Variants in CUL3 observed in about 807,000 individuals in gnomAD.
CUL3 encodes the protein cullin 3.
In CUL3, 19 loss-of-function variants were observed where a neutral mutation model predicts 89.1. That is an observed-to-expected ratio of 0.21 (90% CI 0.15 to 0.31). CUL3 has a LOEUF of 0.31. Ranked by LOEUF, CUL3 falls within the 10% of genes least tolerant of loss-of-function variation. CUL3 has a pLI of 1.00. For missense variants in CUL3, 469 were observed against 942.3 expected, an observed-to-expected ratio of 0.50 and a Z score of 6.58; for synonymous variants, 351 against 308.4, an observed-to-expected ratio of 1.14 and a Z score of -1.45.
rs766201163 is a variant in CUL3, at chr2:224,538,152, TAC to T, written c.265-2513_265-2512del. Among the ~76,000 whole-genome samples, 6 of 152,036 alleles carry T rather than the reference TAC, an allele frequency of 3.9e-5. No individual in the cohort carries two copies. The South Asian group carries it at 1.0e-3, about 26-fold the overall frequency. ...ATTTTGTTTATTTTTCAATTATGCA[TAC>T]ACACACACACAAACTCATGACTGAA... On this transcript the variant is annotated intron_variant, in intron 2 of 15. Coordinates refer to ENST00000264414, the MANE Select transcript of CUL3 (RefSeq NM_003590.5).
chr2:224,496,857 T>C (rs1692187930), intron 12 of CUL3, among the ~76,000 whole-genome samples: 1 of 152,066 alleles, frequency 6.6e-6, no homozygotes. Context: ...CAAAAGAACA[T>C]GATTATTTAG....
At chr2:224,487,270 T>C (rs929782576) in intron 13 of CUL3, among the ~76,000 whole-genome samples, 7 of 151,940 alleles carry the variant, frequency 4.6e-5, no homozygotes, top group Admixed American at 2.0e-4. Flanking sequence ...CATAACAATA[T>C]TACCTTAAAC....
chr2:224,489,358 C>T (rs1691864612), intron 13 of CUL3, among the ~76,000 whole-genome samples: 1 of 152,188 alleles, frequency 6.6e-6, no homozygotes, highest in Non-Finnish European at 1.5e-5. Context: ...TGGAAAACCC[C>T]ATCGTCTCAG....
intron 3 of CUL3, among the ~76,000 whole-genome samples, chr2:224,519,518 A>G (rs184416505): frequency 1.8e-3 from 268 of 149,840 alleles, no homozygotes; most frequent in Non-Finnish European, 3.0e-3. Context: ...ATTAAATGAC[A>G]TATAATATTA....
At chr2:224,502,694 CTTTA>C (rs1199841478) in intron 10 of CUL3, among the ~76,000 whole-genome samples, 1 of 152,166 alleles carries the variant, frequency 6.6e-6, no homozygotes, top group African/African-American at 2.4e-5. Context: ...TTTGTATTAT[CTTTA>C]TTAACAACAG....
intron 7 of CUL3, among the ~76,000 whole-genome samples, chr2:224,506,547 G>T (rs1378653949): frequency 2.6e-5 from 4 of 152,126 alleles, no homozygotes; most frequent in African/African-American, 9.7e-5. Context: ...TAAACCAGTT[G>T]TTTTTTCCAA....
At position 224,514,593 on chromosome 2, in the gene CUL3, G is replaced by C. The variant is rs1251671251; in HGVS notation, c.539+19C>G. ...AATCACTAAAACCAAAACCACAAGA[G>C]TAAAGAGAGAAATTTTACCTGTCTA... On this transcript the variant is annotated intron_variant, in intron 4 of 15. Coordinates refer to ENST00000264414, the MANE Select transcript of CUL3 (RefSeq NM_003590.5). 1 of 1,595,380 alleles carries C rather than the reference G, an allele frequency of 6.3e-7. No homozygotes were observed. The highest frequency in any genetic ancestry group is 8.6e-7 in the Non-Finnish European group (1 of 1,168,746).
Position 224,472,326 on chromosome 2 carries a change from A to C in CUL3, c.*1919T>G, listed in dbSNP as rs1355994057. 4.7e-6 allele frequency: 1 copy of C among 212,528 alleles called. No homozygotes were observed. Among genetic ancestry groups the C allele is most frequent in the African/African-American group, 2.3e-5 (1 of 44,236 alleles). 13.2% of individuals were successfully genotyped at this position (212,528 alleles called of 1,614,324 possible). On this transcript the variant is annotated 3_prime_UTR_variant, in exon 16 of 16. Transcript: ENST00000264414. Reference sequence around the variant, plus strand: ...ATGTCTCACTTAGGAGATTTCAAATAAAGTTTTTACATCGCTCATGTTTAC... The same window carrying C: ...ATGTCTCACTTAGGAGATTTCAAATCAAGTTTTTACATCGCTCATGTTTAC...
At chr2:224,536,659 T>C (rs1004928896) in intron 2 of CUL3, among the ~76,000 whole-genome samples, 39 of 152,158 alleles carry the variant, frequency 2.6e-4, no homozygotes, top group African/African-American at 9.4e-4. Context: ...CACATAAAGT[T>C]CCCTTGAGCC....
chr2:224,569,760 G>T (rs1187005155), intron 1 of CUL3: 2 of 1,204,018 alleles, frequency 1.7e-6, no homozygotes, highest in Non-Finnish European at 2.1e-6. Flanking sequence ...GAAAAGAAGT[G>T]AATTCTTAAC....
At chr2:224,486,888 GAA>G (rs1374847487) in intron 13 of CUL3, among the ~76,000 whole-genome samples, 1 of 152,118 alleles carries the variant, frequency 6.6e-6, no homozygotes, top group Non-Finnish European at 1.5e-5. Context: ...CCCAAAAAGG[GAA>G]GCCCATCAGA....
At chr2:224,510,290 GTTT>G (rs1045204971) in intron 6 of CUL3, among the ~76,000 whole-genome samples, 1 of 128,560 alleles carries the variant, frequency 7.8e-6, no homozygotes. Flanking sequence ...AGCCTCTCTA[GTTT>G]TTTTTGTTTT....
At chr2:224,524,729 A>G (rs1038041829) in intron 3 of CUL3, among the ~76,000 whole-genome samples, 8 of 152,112 alleles carry the variant, frequency 5.3e-5, no homozygotes, top group African/African-American at 1.7e-4. Context: ...GGCCTCCACA[A>G]TTTTTCACAA....
rs1057154959 is a variant in CUL3 at position 224,485,759 on chromosome 2, C to T, written c.1843-3681G>A. Among the ~76,000 whole-genome samples the T allele has an allele frequency of 1.3e-5, 2 of 152,182 alleles. No homozygotes were observed. The highest frequency in any genetic ancestry group is 4.8e-5 in the African/African-American group (2 of 41,460). On this transcript the variant is annotated intron_variant, in intron 13 of 15. Coordinates refer to ENST00000264414, the MANE Select transcript of CUL3 (RefSeq NM_003590.5). This position sits in a 1 kb window ranked among gnomAD's most constrained non-coding sequence, Gnocchi z 4.1. Reference sequence around the variant, plus strand: ...CCCACAGCGCAGCACTCCAGCTCTGCGAAGGGACAGACTGCCTCCTCAAGT... The same window carrying T: ...CCCACAGCGCAGCACTCCAGCTCTGTGAAGGGACAGACTGCCTCCTCAAGT...
chr2:224,498,195 C>T (rs977355158), intron 11 of CUL3, among the ~76,000 whole-genome samples: 2 of 152,240 alleles, frequency 1.3e-5, no homozygotes, highest in South Asian at 4.1e-4. Flanking sequence ...CAGTAGCAGA[C>T]ATCAACAGTA....
intron 3 of CUL3, among the ~76,000 whole-genome samples, chr2:224,527,773 G>A (rs1181249940): frequency 1.3e-5 from 2 of 151,864 alleles, no homozygotes; most frequent in Non-Finnish European, 2.9e-5. Context: ...TCCCAAATAC[G>A]TAATACTTCT....
chr2:224,580,302 T>C (rs1011811984), intron 1 of CUL3, among the ~76,000 whole-genome samples: 9 of 152,238 alleles, frequency 5.9e-5, no homozygotes, highest in African/African-American at 1.7e-4. Flanking sequence ...AAAGAACTTC[T>C]AGGAAAAGGT....
At chr2:224,478,860 G>C (rs976985236) in intron 14 of CUL3, 2 of 152,300 alleles carry the variant, frequency 1.3e-5, no homozygotes, top group African/African-American at 4.8e-5. Context: ...AGTACCACTA[G>C]GATGTCAGTT....
rs1574601773 is a variant in CUL3 at position 224,471,192 on chromosome 2, A to G, written c.*3053T>C. On this transcript the variant is annotated 3_prime_UTR_variant, in exon 16 of 16. Transcript: ENST00000264414. ...AATACTATGCAACATATAGTAAAAT[A>G]CATGACCTACAATTGATATGCAACA... 3 of 212,260 alleles carry G rather than the reference A, an allele frequency of 1.4e-5. No homozygotes were observed. The highest frequency in any genetic ancestry group is 7.2e-5 in the East Asian group (1 of 13,970). The allele number at this position is 212,260 out of a possible 1,614,324, so 13.1% of individuals were successfully genotyped here. A position where few individuals can be genotyped will look rare whatever the true frequency, so the allele number is the denominator to read the frequency against.
Sources: gnomAD v4.1 joint callset for allele counts (sites outside exome capture counted in the v4.1 genomes callset) on GRCh38, gnomAD v4.1.1 for gene constraint, Gnocchi (gnomAD v3.1) non-coding constraint, MANE v1.5 for transcripts, NCBI Gene and HGNC (gene_info 2026-07-23, HGNC 2026-07-21) for gene names.